PCDH11X: variants seen among roughly 807,000 people sequenced by gnomAD.
PCDH11X encodes protocadherin-11 X-linked.
PCDH11X carries 18 observed loss-of-function variants against 53.3 expected under a neutral mutation model. The ratio of observed to expected loss-of-function variants is 0.34; its 90% CI spans 0.23 to 0.50. The LOEUF is 0.50. Among genes scored for constraint, PCDH11X ranks in the 20% least tolerant of loss-of-function variants. PCDH11X has a pLI of 0.98. For synonymous variants in PCDH11X, 279 were observed against 393.3 expected (o/e 0.71, Z 3.44); for missense variants, 570 against 1,032.4 (o/e 0.55, Z 6.14).
chrX:92,150,147 G>A (rs1216139810), intron 6 of PCDH11X, among the ~76,000 whole-genome samples: 1 of 111,265 alleles, frequency 9.0e-6, no homozygotes, highest in Non-Finnish European at 1.9e-5. Context: ...TATGGTTGGT[G>A]TACATGTAGC....
intron 6 of PCDH11X, among the ~76,000 whole-genome samples, chrX:91,891,154 G>A (rs1449250192): frequency 9.1e-6 from 1 of 109,486 alleles, no homozygotes; most frequent in Non-Finnish European, 1.9e-5. Flanking sequence ...GAATGAACAG[G>A]TTTTTGTATG....
intron 6 of PCDH11X, among the ~76,000 whole-genome samples, chrX:91,917,568 G>C (rs868339710): frequency 3.7e-4 from 1 of 2,671 alleles, no homozygotes; most frequent in African/African-American, 1.4e-3. Context: ...TACAGCAGCT[G>C]CAAAAAAAAA....
At position 92,271,189 on chromosome X, in the gene PCDH11X, C is replaced by A. The variant is rs764347917; in HGVS notation, c.3144+8046C>A. Among the ~76,000 whole-genome samples the A allele has an allele frequency of 2.0e-3, 222 of 112,232 alleles. 1 individual carries two copies. Among genetic ancestry groups the A allele is most frequent in the African/African-American group, 6.9e-3 (212 of 30,917 alleles). On this transcript the variant is annotated intron_variant, in intron 8 of 10. Transcript: ENST00000682573. The stretch of plus-strand genomic sequence containing the variant: ...CTTCCTGGTGCAGGGAGGGAACACC[C>A]TTACAAATGGAGATTTCCTTTATAG...
chrX:92,397,663 G>A (rs1345428097), intron 9 of PCDH11X, among the ~76,000 whole-genome samples: 1 of 109,809 alleles, frequency 9.1e-6, no homozygotes, highest in Non-Finnish European at 1.9e-5. Flanking sequence ...AGGAATTCAG[G>A]GATCTTTGCC....
At chrX:92,302,186 T>C (rs1168305344) in intron 8 of PCDH11X, among the ~76,000 whole-genome samples, 1 of 111,165 alleles carries the variant, frequency 9.0e-6, no homozygotes, top group Non-Finnish European at 1.9e-5. Flanking sequence ...AGGGGCAGGG[T>C]AAGAAATTCT....
chrX:92,611,188 G>T (rs1927338662), intron 10 of PCDH11X, among the ~76,000 whole-genome samples: 1 of 109,335 alleles, frequency 9.1e-6, no homozygotes, highest in African/African-American at 3.3e-5. Flanking sequence ...ATTTTGCTTT[G>T]GATAGTATGG....
intron 6 of PCDH11X, among the ~76,000 whole-genome samples, chrX:92,048,409 A>T (rs1194998135): frequency 1.8e-5 from 2 of 111,364 alleles, no homozygotes; most frequent in Non-Finnish European, 3.8e-5. Context: ...AAAAGCTCTT[A>T]TTTAAAGAAT....
chrX:91,984,749 C>T (rs905732719), intron 6 of PCDH11X, among the ~76,000 whole-genome samples: 4 of 111,583 alleles, frequency 3.6e-5, no homozygotes, highest in Non-Finnish European at 5.6e-5. Context: ...TCCCGCCCCC[C>T]ATCCAGAGAC....
chrX:91,906,742 C>A, intron 6 of PCDH11X, among the ~76,000 whole-genome samples: 1 of 111,365 alleles, frequency 9.0e-6, no homozygotes, highest in Non-Finnish European at 1.9e-5. Flanking sequence ...CCCTAGTAAC[C>A]AGCTTGGTTT....
At chrX:91,847,259 G>A (rs1937732643) in intron 5 of PCDH11X, among the ~76,000 whole-genome samples, 1 of 110,566 alleles carries the variant, frequency 9.0e-6, no homozygotes, top group Non-Finnish European at 1.9e-5. Flanking sequence ...TTGAACTCCT[G>A]GGCTCAATCA....
intron 9 of PCDH11X, among the ~76,000 whole-genome samples, chrX:92,433,971 C>T (rs1463851156): frequency 9.1e-6 from 1 of 110,251 alleles, no homozygotes; most frequent in Non-Finnish European, 1.9e-5. Context: ...AGCAAACTCA[C>T]TTTGCCTAGA....
intron 10 of PCDH11X, among the ~76,000 whole-genome samples, chrX:92,593,864 T>G: frequency 9.9e-6 from 1 of 101,427 alleles, no homozygotes; most frequent in Non-Finnish European, 2.0e-5. Context: ...AAATTTTACC[T>G]CATGGTCAAA....
rs777933754 is a variant in PCDH11X, at chrX:92,009,897, G to A, written c.3033+130624G>A. 3.7e-5 allele frequency among the ~76,000 whole-genome samples: 4 copies of A among 109,171 alleles called. No homozygotes were observed. The East Asian group carries it at 8.7e-4, about 24-fold the overall frequency. The allele number at this position is 109,171 out of a possible 115,157, so 94.8% of individuals were successfully genotyped here. Reference sequence around the variant, plus strand: ...TTTTTGTATTTTTAGTACAGACGGGGTTTCACCATGCTGGTCAGGCTGGGC... The same window carrying A: ...TTTTTGTATTTTTAGTACAGACGGGATTTCACCATGCTGGTCAGGCTGGGC... On this transcript the variant is annotated intron_variant, in intron 6 of 10. Transcript: ENST00000682573.
rs748742713 is a variant in PCDH11X, at chrX:92,249,065, T to A, written c.3115-14049T>A. Reference sequence around the variant, plus strand: ...GGAGTTTGATATAAAGGCAAGCTTTTAATCTTTTTTTCTTATCACATATAT... The same window carrying A: ...GGAGTTTGATATAAAGGCAAGCTTTAAATCTTTTTTTCTTATCACATATAT... On this transcript the variant is annotated intron_variant, in intron 7 of 10. Coordinates refer to ENST00000682573, the MANE Select transcript of PCDH11X (RefSeq NM_032968.5). Among the ~76,000 whole-genome samples, 3 of 110,587 alleles carry A rather than the reference T, an allele frequency of 2.7e-5. No individual in the cohort carries two copies. The South Asian group carries it at 1.2e-3, about 43-fold the overall frequency.
intron 6 of PCDH11X, among the ~76,000 whole-genome samples, chrX:92,184,033 C>T (rs892960576): frequency 1.3e-4 from 14 of 110,879 alleles, no homozygotes; most frequent in South Asian, 7.6e-4. Context: ...TAATCTCAGG[C>T]GGGCAGTTTT....
chrX:92,244,418 C>G (rs2067312060), intron 7 of PCDH11X, among the ~76,000 whole-genome samples: 1 of 109,605 alleles, frequency 9.1e-6, no homozygotes, highest in Admixed American at 1.0e-4. Context: ...ATTCAAAGCA[C>G]TTTTATACAT....
intron 6 of PCDH11X, among the ~76,000 whole-genome samples, chrX:91,903,757 A>G (rs910813018): frequency 5.5e-5 from 6 of 109,789 alleles, no homozygotes; most frequent in Non-Finnish European, 9.5e-5. Flanking sequence ...ATTAAAAATT[A>G]TAATGAAAAA....
chrX:92,007,921 G>C (rs947752122), intron 6 of PCDH11X, among the ~76,000 whole-genome samples: 1 of 110,573 alleles, frequency 9.0e-6, no homozygotes, highest in Non-Finnish European at 1.9e-5. Flanking sequence ...TCTGGCCCAG[G>C]GTGTGTCTAG....
chrX:92,015,887 G>A (rs1159382001), intron 6 of PCDH11X, among the ~76,000 whole-genome samples: 3 of 111,606 alleles, frequency 2.7e-5, no homozygotes, highest in African/African-American at 6.5e-5. Context: ...ATTTCCATTT[G>A]CGTTTCTCAG....
Sources: allele counts gnomAD v4.1 joint callset (sites outside exome capture counted in the v4.1 genomes callset), GRCh38; gene constraint gnomAD v4.1.1; transcripts MANE v1.5; gene names NCBI Gene and HGNC (gene_info 2026-07-23, HGNC 2026-07-21).